CCSER1: variants seen among roughly 807,000 people sequenced by gnomAD.
CCSER1 encodes coiled-coil serine rich protein 1, also known as serine-rich coiled-coil domain-containing protein 1.
CCSER1 carries 41 observed loss-of-function variants against 82.0 expected under a neutral mutation model. That is an observed-to-expected ratio of 0.50 (90% CI 0.39 to 0.65). The LOEUF is 0.65. CCSER1 is among the 30% of genes least tolerant of loss of function. The probability of loss-of-function intolerance (pLI) is 0.00; values close to 1 mark genes in which losing one functional copy is unlikely to be tolerated. For missense variants in CCSER1, 1,119 were observed against 1,064.2 expected, an observed-to-expected ratio of 1.05 and a Z score of -0.72; for synonymous variants, 414 against 383.9, an observed-to-expected ratio of 1.08 and a Z score of -0.92.
intron 10 of CCSER1, among the ~76,000 whole-genome samples, chr4:91,102,576 A>C (rs1725185908): frequency 6.6e-6 from 1 of 152,200 alleles, no homozygotes; most frequent in Non-Finnish European, 1.5e-5. Context: ...TCGTTTTTAT[A>C]AGGCACATAA....
intron 10 of CCSER1, among the ~76,000 whole-genome samples, chr4:91,304,331 G>T (rs1202058385): frequency 1.3e-5 from 2 of 151,916 alleles, no homozygotes; most frequent in African/African-American, 4.8e-5. Context: ...GGTTTAATTT[G>T]GTAAATATTA....
intron 6 of CCSER1, among the ~76,000 whole-genome samples, chr4:90,698,916 G>T (rs1737493578): frequency 6.6e-6 from 1 of 152,012 alleles, no homozygotes; most frequent in Admixed American, 6.6e-5. Flanking sequence ...AACAGCCTGG[G>T]CAACATAGTG....
intron 1 of CCSER1, among the ~76,000 whole-genome samples, chr4:90,135,295 T>G (rs992303945): frequency 1.3e-5 from 2 of 152,088 alleles, no homozygotes; most frequent in African/African-American, 4.8e-5. Flanking sequence ...TCTTGATAAA[T>G]TACCCAATCT....
chr4:90,443,860 T>G lies in CCSER1; in HGVS notation c.1604-24374T>G, dbSNP rs28393329. On this transcript the variant is annotated intron_variant, in intron 4 of 10. Coordinates refer to ENST00000509176, the MANE Select transcript of CCSER1 (RefSeq NM_001145065.2). ...AGAGGAGGTTATTGGTACTTTATAA[T>G]GAATGCACGCATATACATATAGTTT... is the stretch of plus-strand genomic sequence containing the variant. 8.0e-3 allele frequency among the ~76,000 whole-genome samples: 1,219 copies of G among 152,134 alleles called. 14 individuals are homozygous for G. The highest frequency in any genetic ancestry group is 0.028 in the African/African-American group (1,170 of 41,530).
chr4:91,152,847 C>T (rs891524396), intron 10 of CCSER1, among the ~76,000 whole-genome samples: 2 of 151,942 alleles, frequency 1.3e-5, no homozygotes, highest in Non-Finnish European at 2.9e-5. Context: ...AATATTAGCC[C>T]CCACTCTCTT....
intron 8 of CCSER1, among the ~76,000 whole-genome samples, chr4:90,867,461 G>A (rs981453468): frequency 3.3e-5 from 5 of 151,938 alleles, no homozygotes; most frequent in African/African-American, 1.2e-4. Context: ...TTTGTTGCAG[G>A]CATACAATGA....
chr4:91,125,334 T>C (rs1727421694), intron 10 of CCSER1, among the ~76,000 whole-genome samples: 2 of 151,730 alleles, frequency 1.3e-5, no homozygotes, highest in South Asian at 4.1e-4. Flanking sequence ...AAACATTGCA[T>C]GGCAATTTTA....
chr4:91,064,130 A>G (rs978207551), intron 9 of CCSER1, among the ~76,000 whole-genome samples: 1 of 152,192 alleles, frequency 6.6e-6, no homozygotes, highest in African/African-American at 2.4e-5. Context: ...ATGTTAGAAG[A>G]TACAGGGAAA....
intron 3 of CCSER1, among the ~76,000 whole-genome samples, chr4:90,326,220 G>A (rs945876172): frequency 2.6e-5 from 4 of 151,804 alleles, no homozygotes; most frequent in Admixed American, 6.6e-5. Context: ...CACCACGCCC[G>A]GCTAATTTTT....
At chr4:90,213,034 A>G (rs1205445974) in intron 1 of CCSER1, among the ~76,000 whole-genome samples, 2 of 152,126 alleles carry the variant, frequency 1.3e-5, no homozygotes, top group Non-Finnish European at 2.9e-5. Flanking sequence ...TTTGGGTTTT[A>G]TCTGTGTGAC....
At chr4:90,438,126 A>G (rs1230665498) in intron 4 of CCSER1, among the ~76,000 whole-genome samples, 1 of 152,178 alleles carries the variant, frequency 6.6e-6, no homozygotes, top group African/African-American at 2.4e-5. Flanking sequence ...AGAAAAGTCA[A>G]TACATTTCAG....
At chr4:90,995,248 G>C (rs1329775396) in intron 9 of CCSER1, among the ~76,000 whole-genome samples, 3 of 152,186 alleles carry the variant, frequency 2.0e-5, no homozygotes, top group Admixed American at 2.0e-4. Flanking sequence ...TAAAAGGAAT[G>C]AATGGTGTGT....
rs541731694 is a variant in CCSER1, at chr4:90,474,045, G to A, written c.1724+5691G>A. Among the ~76,000 whole-genome samples, 3 of 151,886 alleles carry A rather than the reference G, an allele frequency of 2.0e-5. No homozygotes were observed. In the East Asian group the frequency reaches 5.8e-4, roughly 30 times the overall value. ...AGTTCCAGCTACTTGAGAGGCTGAG[G>A]CAGGAGAATCACTTGAACCTGGGAG... On this transcript the variant is annotated intron_variant, in intron 5 of 10. Transcript: ENST00000509176.
intron 9 of CCSER1, among the ~76,000 whole-genome samples, chr4:91,058,278 G>A (rs2148727441): frequency 6.6e-6 from 1 of 152,014 alleles, no homozygotes; most frequent in Admixed American, 6.6e-5. Context: ...TTTACATGGT[G>A]TATTACATAC....
chr4:91,334,013 A>G (rs1281292041), intron 10 of CCSER1, among the ~76,000 whole-genome samples: 2 of 152,090 alleles, frequency 1.3e-5, no homozygotes, highest in Admixed American at 6.6e-5. Flanking sequence ...TCATCTATGT[A>G]TTTTACCAAA....
intron 10 of CCSER1, among the ~76,000 whole-genome samples, chr4:91,506,290 A>G (rs1253054889): frequency 6.6e-6 from 1 of 152,062 alleles, no homozygotes; most frequent in East Asian, 1.9e-4. Context: ...CCATTGGTCT[A>G]TGTGTCTGTT....
chr4:90,610,219 C>G (rs1045819297), intron 5 of CCSER1, among the ~76,000 whole-genome samples: 1 of 151,204 alleles, frequency 6.6e-6, no homozygotes, highest in African/African-American at 2.4e-5. Flanking sequence ...CGCCACTGCA[C>G]TCCAGACTGG....
chr4:90,156,587 T>G (rs1171026762), intron 1 of CCSER1, among the ~76,000 whole-genome samples: 1 of 152,216 alleles, frequency 6.6e-6, no homozygotes, highest in Non-Finnish European at 1.5e-5. Flanking sequence ...TTTAGGATAG[T>G]TAGCTCTTCT....
chr4:90,468,594 G>A (rs1578627485), intron 5 of CCSER1: 2 of 327,944 alleles, frequency 6.1e-6, no homozygotes, highest in East Asian at 1.1e-4. Flanking sequence ...AAGGACATGG[G>A]CAAGTAGGCT....
Sources: allele counts gnomAD v4.1 joint callset (sites outside exome capture counted in the v4.1 genomes callset), GRCh38; gene constraint gnomAD v4.1.1; transcripts MANE v1.5; gene names NCBI Gene and HGNC (gene_info 2026-07-23, HGNC 2026-07-21).